The following PDE8A variants were observed in gnomAD, a reference collection of about 807,000 sequenced individuals.
PDE8A encodes the protein phosphodiesterase 8A.
PDE8A carries 59 observed loss-of-function variants against 105.0 expected under a neutral mutation model. The ratio of observed to expected loss-of-function variants is 0.56; its 90% CI spans 0.46 to 0.70. PDE8A has a LOEUF of 0.70. Among genes scored for constraint, PDE8A ranks in the 30% least tolerant of loss-of-function variants. The pLI is 0.00. For missense variants in PDE8A, 1,014 were observed against 1,045.9 expected, an observed-to-expected ratio of 0.97 and a Z score of 0.42; for synonymous variants, 355 against 371.9, an observed-to-expected ratio of 0.95 and a Z score of 0.52.
At chr15:85,045,363 G>A (rs1044732366) in intron 1 of PDE8A, among the ~76,000 whole-genome samples, 1 of 152,146 alleles carries the variant, frequency 6.6e-6, no homozygotes, top group African/African-American at 2.4e-5. Context: ...ACAGATTACG[G>A]CCAGGTTATT....
At chr15:84,981,216 T>C (rs1281131616), upstream of PDE8A, among the ~76,000 whole-genome samples, 1 of 152,150 alleles carries the variant, frequency 6.6e-6, no homozygotes, top group East Asian at 1.9e-4. Flanking sequence ...CTTCTCTGGG[T>C]AGCCCAGTCG....
intron 5 of PDE8A, among the ~76,000 whole-genome samples, chr15:85,082,994 G>A (rs1028434972): frequency 3.9e-4 from 59 of 152,380 alleles, no homozygotes; most frequent in African/African-American, 1.3e-3. Flanking sequence ...GCTTCTGCCA[G>A]TGCCTCTGCT....
chr15:85,090,917 T>G (rs1596508324), intron 7 of PDE8A, 127 bp from the exon 8 acceptor site: 1 of 742,862 alleles, frequency 1.3e-6, no homozygotes. Context: ...ACTGCCACGG[T>G]GAGGTCCAGG....
intron 20 of PDE8A, among the ~76,000 whole-genome samples, chr15:85,130,026 G>A (rs1434434493): frequency 6.6e-6 from 1 of 152,162 alleles, no homozygotes; most frequent in Admixed American, 6.5e-5. Flanking sequence ...TTGGCTCATG[G>A]TTCTGCAGGC....
intron 1 of PDE8A, among the ~76,000 whole-genome samples, chr15:85,006,491 C>T (rs12904615): frequency 0.44 from 66,839 of 151,870 alleles, 16,035 homozygotes; most frequent in East Asian, 0.57. Context: ...GTGGTATTAC[C>T]CATTTTTAAT....
At chr15:85,037,902 G>A (rs906828253) in intron 1 of PDE8A, among the ~76,000 whole-genome samples, 1 of 152,184 alleles carries the variant, frequency 6.6e-6, no homozygotes, top group Non-Finnish European at 1.5e-5. Context: ...CTACTGTGTA[G>A]TAGTTGCATA....
chr15:84,999,677 C>T (rs1469348282), intron 1 of PDE8A, among the ~76,000 whole-genome samples: 1 of 152,106 alleles, frequency 6.6e-6, no homozygotes, highest in African/African-American at 2.4e-5. Context: ...CGGGTTCAAG[C>T]GATTCTCCTT....
intron 1 of PDE8A, among the ~76,000 whole-genome samples, chr15:85,046,450 T>C (rs1172640805): frequency 6.6e-6 from 1 of 152,214 alleles, no homozygotes; most frequent in East Asian, 1.9e-4. Flanking sequence ...CTGGTATGAG[T>C]ATAATTTCTA....
intron 1 of PDE8A, among the ~76,000 whole-genome samples, chr15:85,036,358 G>T (rs2080705973): frequency 2.0e-5 from 3 of 152,270 alleles, no homozygotes; most frequent in Middle Eastern, 3.4e-3. Flanking sequence ...TAAAATGGGG[G>T]CATAAACAGG....
chr15:85,135,939 C>G (rs1009786682), intron 20 of PDE8A, among the ~76,000 whole-genome samples: 1 of 152,004 alleles, frequency 6.6e-6, no homozygotes. Context: ...AGATGAGAAG[C>G]AGCCACTAGG....
At chr15:85,092,328 G>T (rs12443441) in intron 8 of PDE8A, among the ~76,000 whole-genome samples, 82,497 of 150,762 alleles carry the variant, frequency 0.55, 23,624 homozygotes, top group African/African-American at 0.74. Context: ...TTTTGTTGTT[G>T]TTTTTTTTTG....
In PDE8A at chr15:85,137,818, T is replaced by C. The variant is rs764294179; in HGVS notation, c.2405T>C (p.Leu802Ser). 6.2e-7 allele frequency: 1 copy of C among 1,612,326 alleles called. No homozygotes were observed. The highest frequency in any genetic ancestry group is 8.5e-7 in the Non-Finnish European group (1 of 1,178,408). The part of the protein sequence containing the change: ...AWDAFVDLPD[L>S]MQHLDNNFKY... ...CCAGCCTTTGTAGACCTGCCTGATT[T>C]AATGCAGCATCTTGACAACAACTTT... The change falls in exon 22 of 22, where the codon TTA becomes TCA. Residue 802 changes from leucine (L) to serine (S), a missense_variant. By Grantham distance (145) the Leu-to-Ser change is moderately radical. Transcript: ENST00000394553.
chr15:85,109,236 G>A, intron 12 of PDE8A, 106 bp downstream of exon 12: 1 of 658,036 alleles, frequency 1.5e-6, no homozygotes, highest in Non-Finnish European at 2.6e-6. Flanking sequence ...CAATTCTTGG[G>A]AGAGGAGGGA....
intron 1 of PDE8A, among the ~76,000 whole-genome samples, chr15:85,011,159 G>T (rs2080233080): frequency 6.6e-6 from 1 of 152,050 alleles, no homozygotes; most frequent in South Asian, 2.1e-4. Context: ...TTCTTTTTCA[G>T]TTAGATATGG....
At chr15:85,047,523 A>G (rs929620722) in intron 1 of PDE8A, among the ~76,000 whole-genome samples, 2 of 152,226 alleles carry the variant, frequency 1.3e-5, no homozygotes, top group Admixed American at 1.3e-4. Context: ...AAATAAAGTA[A>G]GCGTTCAGTG....
chr15:85,066,079 A>G (rs2081220648), intron 2 of PDE8A, among the ~76,000 whole-genome samples: 1 of 152,182 alleles, frequency 6.6e-6, no homozygotes, highest in African/African-American at 2.4e-5. Flanking sequence ...AAACATTTCA[A>G]TACATTATTT....
intron 1 of PDE8A, among the ~76,000 whole-genome samples, chr15:85,038,562 G>T (rs1217248485): frequency 6.6e-6 from 1 of 152,184 alleles, no homozygotes; most frequent in Non-Finnish European, 1.5e-5. Flanking sequence ...GAGACAAGCT[G>T]CAGACTGGGA....
intron 8 of PDE8A, among the ~76,000 whole-genome samples, chr15:85,092,332 T>C (rs933601456): frequency 6.8e-6 from 1 of 146,062 alleles, no homozygotes; most frequent in Non-Finnish European, 1.5e-5. Flanking sequence ...GTTGTTGTTT[T>C]TTTTTGTTTT....
intron 11 of PDE8A, among the ~76,000 whole-genome samples, chr15:85,107,794 T>TG (rs1227351305): frequency 6.6e-6 from 1 of 152,076 alleles, no homozygotes; most frequent in Non-Finnish European, 1.5e-5. Flanking sequence ...GAGAGAGGCC[T>TG]GGGGTAAGAT....
Sources: gnomAD v4.1 joint callset for allele counts (sites outside exome capture counted in the v4.1 genomes callset) on GRCh38, gnomAD v4.1.1 for gene constraint, MANE v1.5 for transcripts, NCBI Gene and HGNC (gene_info 2026-07-23, HGNC 2026-07-21) for gene names.